The following LYST variants were observed in gnomAD, a reference collection of about 807,000 sequenced individuals.
The protein encoded by LYST is lysosomal trafficking regulator.
In LYST, 192 loss-of-function variants were observed where a neutral mutation model predicts 413.6. The observed-to-expected ratio is 0.46, with a 90% CI of 0.41 to 0.52. LYST has a LOEUF of 0.52. LYST is among the 20% of genes least tolerant of loss of function. The pLI is 0.00. For missense variants in LYST, 3,815 were observed against 4,499.9 expected, an observed-to-expected ratio of 0.85 and a Z score of 4.35; for synonymous variants, 1,525 against 1,567.3, an observed-to-expected ratio of 0.97 and a Z score of 0.64.
chr1:235,762,065 T>C (rs1339296639), intron 22 of LYST, among the ~76,000 whole-genome samples: 1 of 151,860 alleles, frequency 6.6e-6, no homozygotes, highest in Non-Finnish European at 1.5e-5. Flanking sequence ...ATGGCATATG[T>C]ATACATATGT....
rs116661564 is a variant in LYST at position 235,853,869 on chromosome 1, T to C, written c.-98+12974A>G. 7.2e-3 allele frequency among the ~76,000 whole-genome samples: 1,103 copies of C among 152,210 alleles called. 19 individuals carry two copies. The highest frequency in any genetic ancestry group is 0.026 in the African/African-American group (1,075 of 41,516). On this transcript the variant is annotated intron_variant, in intron 1 of 52. Coordinates refer to ENST00000389793, the MANE Select transcript of LYST (RefSeq NM_000081.4). ...CTTTCAACAGGTAGTTCATTTTTCC[T>C]AAAAACAAACAAATTCGGCAACCAG...
In LYST at chr1:235,753,829, C is replaced by T. The variant is rs566047075; in HGVS notation, c.7230-555G>A. On this transcript the variant is annotated intron_variant, in intron 25 of 52. Transcript: ENST00000389793. ...ATTGTGAGAATCAAATAAAGTAATG[C>T]ACAATTGTTTCGTGAAAGCCAAAAG... is the stretch of plus-strand genomic sequence containing the variant. Among the ~76,000 whole-genome samples the T allele has an allele frequency of 3.9e-5, 6 of 152,180 alleles. No homozygotes were observed. The South Asian group carries it at 8.3e-4, about 21-fold the overall frequency.
intron 1 of LYST, among the ~76,000 whole-genome samples, chr1:235,863,546 A>G (rs1234773485): frequency 1.3e-5 from 2 of 151,856 alleles, no homozygotes; most frequent in Non-Finnish European, 2.9e-5. Context: ...AGTTAAATAC[A>G]GCAACAGACC....
chr1:235,852,765 C>T (rs899810920), intron 1 of LYST, among the ~76,000 whole-genome samples: 14 of 152,056 alleles, frequency 9.2e-5, no homozygotes, highest in African/African-American at 2.7e-4. Flanking sequence ...GAGAGTTAAA[C>T]GATCTCTGGG....
intron 36 of LYST, among the ~76,000 whole-genome samples, chr1:235,730,533 G>T (rs182676743): frequency 1.6e-4 from 24 of 149,296 alleles, no homozygotes; most frequent in African/African-American, 5.9e-4. Flanking sequence ...ATATATATAT[G>T]TACCCATATA....
At chr1:235,867,182 T>C (rs1176454999), upstream of LYST, among the ~76,000 whole-genome samples, 1 of 152,148 alleles carries the variant, frequency 6.6e-6, no homozygotes, top group Non-Finnish European at 1.5e-5. Context: ...TTCTCAGCGG[T>C]CGGGGGTCGT....
chr1:235,830,110 G>T, intron 3 of LYST, 116 bp downstream of exon 3: 1 of 745,618 alleles, frequency 1.3e-6, no homozygotes. Flanking sequence ...GTGGAATAAT[G>T]TGAAAGACTG....
intron 1 of LYST, among the ~76,000 whole-genome samples, chr1:235,858,743 A>G (rs1679501124): frequency 6.6e-6 from 1 of 151,954 alleles, no homozygotes; most frequent in Admixed American, 6.6e-5. Flanking sequence ...TTTCCATCAC[A>G]TCTTCCCTTC....
chr1:235,839,019 C>T (rs977666457), intron 1 of LYST, among the ~76,000 whole-genome samples: 2 of 151,980 alleles, frequency 1.3e-5, no homozygotes, highest in African/African-American at 4.8e-5. Flanking sequence ...GAGACAGGGT[C>T]TCACCATGTT....
At chr1:235,869,531 T>C (rs1271786537), upstream of LYST, among the ~76,000 whole-genome samples, 2 of 152,212 alleles carry the variant, frequency 1.3e-5, no homozygotes, top group Non-Finnish European at 2.9e-5. Flanking sequence ...GCTGGAAAAC[T>C]TTTTAAGCAG....
intron 19 of LYST, 67 bp from the exon 20 acceptor site, chr1:235,770,364 GAC>G: frequency 1.5e-6 from 2 of 1,355,592 alleles, no homozygotes; most frequent in Non-Finnish European, 2.1e-6. Context: ...CTTTTTGGAA[GAC>G]ACACAACGCG....
chr1:235,727,676 T>C (rs1296408853), intron 38 of LYST, among the ~76,000 whole-genome samples: 1 of 152,192 alleles, frequency 6.6e-6, no homozygotes, highest in African/African-American at 2.4e-5. Flanking sequence ...TATTAAGCTA[T>C]GTGAATATCA....
chr1:235,777,269 G>C lies in LYST; in HGVS notation c.5254C>G (p.Gln1752Glu). ...SVVYTTYCPA[Q>E]YTIYEPVIRL... ...ATCACTGGTTCATAGATGGTATACTGAGCAGGACAGTAAGTTGTATAAACA... is the reference window on the plus strand; with the variant it reads ...ATCACTGGTTCATAGATGGTATACTCAGCAGGACAGTAAGTTGTATAAACA... Residue 1752 changes from glutamine (Q) to glutamate (E), a missense_variant, in exon 17 of 53, where the codon CAG becomes GAG. Transcript: ENST00000389793. 1.2e-6 allele frequency: 2 copies of C among 1,612,228 alleles called. No homozygotes were observed. Among genetic ancestry groups the C allele is most frequent in the Non-Finnish European group, 1.7e-6 (2 of 1,178,488 alleles).
intron 44 of LYST, among the ~76,000 whole-genome samples, chr1:235,703,268 G>C (rs1661693233): frequency 6.6e-6 from 1 of 152,086 alleles, no homozygotes; most frequent in African/African-American, 2.4e-5. Context: ...CTAAATTATT[G>C]AAGAAGTTGC....
chr1:235,775,927 A>G (rs1051967611), intron 17 of LYST, among the ~76,000 whole-genome samples: 6 of 152,188 alleles, frequency 3.9e-5, no homozygotes, highest in Non-Finnish European at 8.8e-5. Flanking sequence ...AACAAGGTTT[A>G]TAAGTTTTAG....
At chr1:235,738,591 G>T in intron 31 of LYST, 1 of 1,609,522 alleles carries the variant, frequency 6.2e-7, no homozygotes. Flanking sequence ...AGATTCTAGT[G>T]TGCCTGTATG....
At position 235,738,235 on chromosome 1, in the gene LYST, C is replaced by T. The variant is rs1664990155; in HGVS notation, c.8358+3187G>A. 2.5e-6 allele frequency: 4 copies of T among 1,610,730 alleles called. No homozygotes were observed. The African/African-American group carries it at 4.0e-5, about 16-fold the overall frequency. On this transcript the variant is annotated intron_variant, in intron 31 of 52. Transcript: ENST00000389793. ...TTCCTTAGAACACCAAAGATTGTCT[C>T]TGGCAAAGACTATACTGTAACTGTA... is the stretch of plus-strand genomic sequence containing the variant.
At chr1:235,856,919 C>A (rs1295281563) in intron 1 of LYST, among the ~76,000 whole-genome samples, 2 of 148,310 alleles carry the variant, frequency 1.3e-5, no homozygotes, top group Admixed American at 6.7e-5. Context: ...GCAGCTCTTA[C>A]AAGTTACACA....
chr1:235,762,860 C>A lies in LYST; in HGVS notation c.6122-9G>T. On this transcript the variant is annotated splice_polypyrimidine_tract_variant and intron_variant, in intron 21 of 52. Transcript: ENST00000389793. ...CTGAAAGATCTTGCCATCTAGAATCCAAATTTTTTTTGAAACAGCAAAATT... is the reference window on the plus strand; with the variant it reads ...CTGAAAGATCTTGCCATCTAGAATCAAAATTTTTTTTGAAACAGCAAAATT... 6.2e-7 allele frequency: 1 copy of A among 1,611,776 alleles called. No individual in the cohort carries two copies. The highest frequency in any genetic ancestry group is 1.1e-5 in the South Asian group (1 of 90,996).
Sources: gnomAD v4.1 joint callset for allele counts (sites outside exome capture counted in the v4.1 genomes callset) on GRCh38, gnomAD v4.1.1 for gene constraint, MANE v1.5 for transcripts, NCBI Gene and HGNC (gene_info 2026-07-23, HGNC 2026-07-21) for gene names.